Variants in STAG1 observed in about 807,000 individuals in gnomAD.
STAG1 encodes cohesin subunit SA-1.
STAG1 carries 26 observed loss-of-function variants against 170.9 expected under a neutral mutation model. The observed-to-expected ratio is 0.15, with a 90% CI of 0.11 to 0.21. The LOEUF (loss-of-function observed/expected upper bound fraction) is 0.21. Among genes scored for constraint, STAG1 ranks in the 10% least tolerant of loss-of-function variants. The pLI, the probability that STAG1 is intolerant of heterozygous loss-of-function variation, is 1.00. For missense variants in STAG1, 964 were observed against 1,509.5 expected, an observed-to-expected ratio of 0.64 and a Z score of 5.99; for synonymous variants, 514 against 497.7, an observed-to-expected ratio of 1.03 and a Z score of -0.44.
chr3:136,527,845 G>A (rs1935133267), intron 6 of STAG1, among the ~76,000 whole-genome samples: 1 of 152,098 alleles, frequency 6.6e-6, no homozygotes. Flanking sequence ...TTTGCTGGAG[G>A]GCCACTCCAG....
chr3:136,635,326 A>C (rs1388502786), intron 1 of STAG1, among the ~76,000 whole-genome samples: 1 of 152,222 alleles, frequency 6.6e-6, no homozygotes, highest in Non-Finnish European at 1.5e-5. Flanking sequence ...TTCAAAAATC[A>C]ATTAATATAA....
At chr3:136,413,563 A>C (rs1487036495) in intron 21 of STAG1, among the ~76,000 whole-genome samples, 1 of 151,884 alleles carries the variant, frequency 6.6e-6, no homozygotes, top group Non-Finnish European at 1.5e-5. Context: ...GGTGCAAGCG[A>C]TTCTCCTGAC....
chr3:136,612,773 C>T (rs1343171239), intron 3 of STAG1, among the ~76,000 whole-genome samples: 2 of 152,206 alleles, frequency 1.3e-5, no homozygotes, highest in Non-Finnish European at 2.9e-5. Flanking sequence ...GGATGTATCA[C>T]ACTTTGTTAG....
intron 9 of STAG1, among the ~76,000 whole-genome samples, chr3:136,486,745 T>C (rs947415294): frequency 4.6e-5 from 7 of 152,084 alleles, no homozygotes; most frequent in African/African-American, 1.7e-4. Context: ...AACTAACTCT[T>C]AGAGTTAGGT....
intron 10 of STAG1, among the ~76,000 whole-genome samples, chr3:136,475,140 T>C (rs2089717080): frequency 4.3e-5 from 1 of 23,298 alleles, no homozygotes; most frequent in South Asian, 2.4e-3. Context: ...ATAGGTTCCT[T>C]TTTTTTTTTT....
At chr3:136,502,899 G>C in intron 7 of STAG1, 120 bp from the exon 8 acceptor site, 1 of 746,892 alleles carries the variant, frequency 1.3e-6, no homozygotes, top group Non-Finnish European at 1.9e-6. Flanking sequence ...TTACAACCCA[G>C]GCATAATTTA....
intron 1 of STAG1, among the ~76,000 whole-genome samples, chr3:136,656,380 C>T (rs1462691490): frequency 1.3e-5 from 2 of 151,966 alleles, no homozygotes; most frequent in African/African-American, 4.8e-5. Flanking sequence ...CAATATGGAC[C>T]TATTTAATAC....
Position 136,464,992 on chromosome 3 carries a change from A to G in STAG1, c.1206-4T>C. Reference sequence around the variant, plus strand: ...GGAAAGAGCTTCTTCACTTCCACTGAAAAATACAGAAAGTAACATCTGATC... The same window carrying G: ...GGAAAGAGCTTCTTCACTTCCACTGGAAAATACAGAAAGTAACATCTGATC... On this transcript the variant is annotated splice_polypyrimidine_tract_variant and splice_region_variant and intron_variant, in intron 12 of 33. Transcript: ENST00000383202. 1 of 1,595,484 alleles carries G rather than the reference A, an allele frequency of 6.3e-7. No homozygotes were observed. The highest frequency in any genetic ancestry group is 2.2e-5 in the East Asian group (1 of 44,600).
At chr3:136,451,943 T>C in intron 14 of STAG1, 90 bp downstream of exon 14, 1 of 837,708 alleles carries the variant, frequency 1.2e-6, no homozygotes. Flanking sequence ...ACAGACTTGT[T>C]TTTATTTGAT....
At chr3:136,667,829 T>G (rs1235101154) in intron 1 of STAG1, among the ~76,000 whole-genome samples, 1 of 152,102 alleles carries the variant, frequency 6.6e-6, no homozygotes, top group Admixed American at 6.6e-5. Context: ...TAAGAATGAA[T>G]GATAATGTCT....
chr3:136,399,849 A>G (rs940856248), intron 21 of STAG1, among the ~76,000 whole-genome samples: 1 of 152,236 alleles, frequency 6.6e-6, no homozygotes, highest in Non-Finnish European at 1.5e-5. Context: ...AAACTAAGAA[A>G]TGTTTATAAA....
intron 1 of STAG1, among the ~76,000 whole-genome samples, chr3:136,664,971 A>G (rs1941706328): frequency 1.3e-5 from 2 of 152,226 alleles, no homozygotes; most frequent in Admixed American, 1.3e-4. Flanking sequence ...TGCAAACCAC[A>G]AAGGATTATT....
intron 1 of STAG1, among the ~76,000 whole-genome samples, chr3:136,668,329 G>GAT (rs1941868414): frequency 7.1e-6 from 1 of 140,494 alleles, no homozygotes; most frequent in South Asian, 2.2e-4. Flanking sequence ...TATTATACAT[G>GAT]ATATATACCA....
chr3:136,471,715 T>C (rs2089632516), intron 12 of STAG1, among the ~76,000 whole-genome samples: 1 of 152,216 alleles, frequency 6.6e-6, no homozygotes, highest in Non-Finnish European at 1.5e-5. Context: ...TTGAAATCTC[T>C]ATCATTAGTG....
At chr3:136,671,740 G>A (rs945423439) in intron 1 of STAG1, among the ~76,000 whole-genome samples, 4 of 152,074 alleles carry the variant, frequency 2.6e-5, no homozygotes, top group African/African-American at 7.2e-5. Context: ...ACATTAGCTG[G>A]GCATGGTGGT....
At chr3:136,507,772 G>A (rs1933842566) in intron 7 of STAG1, among the ~76,000 whole-genome samples, 1 of 152,144 alleles carries the variant, frequency 6.6e-6, no homozygotes, top group Non-Finnish European at 1.5e-5. Context: ...TCAATAAGGA[G>A]TGAATACATT....
chr3:136,633,292 A>G (rs1254533371), intron 1 of STAG1, among the ~76,000 whole-genome samples: 1 of 152,184 alleles, frequency 6.6e-6, no homozygotes, highest in East Asian at 1.9e-4. Context: ...GCTGAAAGAA[A>G]AACCATCAAA....
At chr3:136,615,693 G>C (rs1031605706) in intron 3 of STAG1, among the ~76,000 whole-genome samples, 3 of 149,732 alleles carry the variant, frequency 2.0e-5, no homozygotes, top group Non-Finnish European at 4.4e-5. Flanking sequence ...CAGGGGAATG[G>C]TGTGAACCTG....
chr3:136,478,620 G>A (rs1176175986), intron 9 of STAG1, among the ~76,000 whole-genome samples: 1 of 151,950 alleles, frequency 6.6e-6, no homozygotes, highest in Non-Finnish European at 1.5e-5. Flanking sequence ...GATAATTAAG[G>A]CACTTTTCTT....
Sources: allele counts gnomAD v4.1 joint callset (sites outside exome capture counted in the v4.1 genomes callset), GRCh38; gene constraint gnomAD v4.1.1; transcripts MANE v1.5; gene names NCBI Gene and HGNC (gene_info 2026-07-23, HGNC 2026-07-21).